The following SERHL2 variants were observed in gnomAD, a reference collection of about 807,000 sequenced individuals.
SERHL2 encodes serine hydrolase like 2.
A neutral mutation model predicts 25.5 loss-of-function variants in SERHL2; 29 were observed. The ratio of observed to expected loss-of-function variants is 1.14; its 90% CI spans 0.85 to 1.55. SERHL2 has a LOEUF of 1.55. Ranked by LOEUF, SERHL2 falls within the 40% of genes most tolerant of loss-of-function variation. The probability of loss-of-function intolerance (pLI) is 0.00; values close to 1 mark genes in which losing one functional copy is unlikely to be tolerated. For missense variants in SERHL2, 240 were observed against 252.3 expected (o/e 0.95, Z 0.33); for synonymous variants, 95 against 103.5 (o/e 0.92, Z 0.50).
intron 9 of SERHL2, among the ~76,000 whole-genome samples, chr22:42,570,398 C>A (rs146428927): frequency 0.011 from 1,639 of 152,078 alleles, 28 homozygotes; most frequent in African/African-American, 0.038. Flanking sequence ...AGCCCGGGCA[C>A]CAAGAGCAAA....
chr22:42,556,660 C>G, intron 6 of SERHL2, 72 bp downstream of exon 6: 1 of 1,284,752 alleles, frequency 7.8e-7, no homozygotes, highest in Non-Finnish European at 1.1e-6. Context: ...CCAGCCCTGT[C>G]TCCTTTGGTG....
rs553836400 is a variant in SERHL2 at position 42,572,383 on chromosome 22, T to C, written c.732-53T>C. 4.0e-5 allele frequency: 55 copies of C among 1,368,230 alleles called. 1 individual carries two copies. In the African/African-American group the frequency reaches 7.1e-4, roughly 18 times the overall value. 84.8% of individuals were successfully genotyped at this position (1,368,230 alleles called of 1,614,324 possible). A position where few individuals can be genotyped will look rare whatever the true frequency, so the allele number is the denominator to read the frequency against. On this transcript the variant is annotated intron_variant, in intron 10 of 11. Coordinates refer to ENST00000327678, the MANE Select transcript of SERHL2 (RefSeq NM_014509.5). ...ACCCAGGGCAGGATGGGGGCACCGC[T>C]GGGAGGCGGTTCTAAGATGAACCCC...
At position 42,560,165 on chromosome 22, in the gene SERHL2, C is replaced by T. The variant is rs775097107; in HGVS notation, c.534-21C>T. ...TTTTTATTGGCCTCCAGGCACCCAG[C>T]ATCCTTCTGTCTCCCCCCAGGTTAC... On this transcript the variant is annotated intron_variant, in intron 7 of 11. Coordinates refer to ENST00000327678, the MANE Select transcript of SERHL2 (RefSeq NM_014509.5). The T allele has an allele frequency of 1.1e-5, 18 of 1,593,120 alleles. 2 individuals are homozygous for T. The highest frequency in any genetic ancestry group is 1.7e-5 in the Admixed American group (1 of 59,956).
chr22:42,571,999 CT>C (rs1413071255), intron 10 of SERHL2: 1 of 153,154 alleles, frequency 6.5e-6, no homozygotes, highest in African/African-American at 2.4e-5. Context: ...TTCGCGATTT[CT>C]TTGGGGGCGA....
At chr22:42,564,170 T>C (rs1343551498) in intron 8 of SERHL2, among the ~76,000 whole-genome samples, 1 of 151,638 alleles carries the variant, frequency 6.6e-6, no homozygotes, top group Non-Finnish European at 1.5e-5. Flanking sequence ...TTATTTTGGG[T>C]CTAGCACTAG....
chr22:42,559,967 A>G (rs2044738683), intron 7 of SERHL2, among the ~76,000 whole-genome samples: 1 of 151,746 alleles, frequency 6.6e-6, no homozygotes, highest in South Asian at 2.1e-4. Flanking sequence ...ACATGCCACC[A>G]TGTCCAGCTA....
At chr22:42,559,418 A>C (rs1432614687) in intron 7 of SERHL2, among the ~76,000 whole-genome samples, 1 of 151,092 alleles carries the variant, frequency 6.6e-6, no homozygotes, top group Non-Finnish European at 1.5e-5. Context: ...TTAGAATACA[A>C]GGTCCAGGCA....
rs530514017 is a variant in SERHL2, at chr22:42,566,332, C to T, written c.642C>T (p.Leu214=). ...TGLVLNRDQR[L]AWAENSIDFI... ...TGGTTCTGAACAGAGACCAGAGGCT[C>T]GCCTGGGTGAGTACCACTGCCTCCG... is the stretch of plus-strand genomic sequence containing the variant. The change falls in exon 9 of 12, where the codon CTC becomes CTT. Residue 214 remains leucine, a synonymous_variant. Coordinates refer to ENST00000327678, the MANE Select transcript of SERHL2 (RefSeq NM_014509.5). The T allele has an allele frequency of 1.1e-5, 18 of 1,611,914 alleles. No homozygotes were observed. In the East Asian group the frequency reaches 1.8e-4, roughly 16 times the overall value.
In SERHL2 at chr22:42,554,257, C is replaced by A. The variant is rs576205426; in HGVS notation, c.22+215C>A. Among the ~76,000 whole-genome samples, 14 of 152,248 alleles carry A rather than the reference C, an allele frequency of 9.2e-5. No individual in the cohort carries two copies. The East Asian group carries it at 1.7e-3, about 19-fold the overall frequency. ...ACGTGGCCTCCCAGGGTTCCAGGAG[C>A]CCCTGAGTTAGCCGAGCGTGCGCGT... On this transcript the variant is annotated intron_variant, in intron 1 of 11. Coordinates refer to ENST00000327678, the MANE Select transcript of SERHL2 (RefSeq NM_014509.5).
At chr22:42,572,939 GTTTT>G (rs1169831281) in intron 11 of SERHL2, 3 of 158,040 alleles carry the variant, frequency 1.9e-5, no homozygotes, top group African/African-American at 7.2e-5. Flanking sequence ...CGAAGTGCTG[GTTTT>G]GTAGATGGGA....
At chr22:42,572,987 G>C (rs1924450740) in intron 11 of SERHL2, among the ~76,000 whole-genome samples, 1 of 151,750 alleles carries the variant, frequency 6.6e-6, no homozygotes, top group South Asian at 2.1e-4. Flanking sequence ...ACATTTTACA[G>C]GCTCCCAAAC....
rs1009852127 is a variant in SERHL2 at position 42,560,103 on chromosome 22, T to TC, written c.534-76dup. The TC allele has an allele frequency of 1.2e-4, 122 of 1,003,876 alleles. 1 individual carries two copies. Among genetic ancestry groups the TC allele is most frequent in the South Asian group, 4.4e-4 (34 of 77,896 alleles). 62.2% of individuals were successfully genotyped at this position (1,003,876 alleles called of 1,614,324 possible). Reference sequence around the variant, plus strand: ...CTGGGATTACAGGCATGAGCCACCGTCCCCCCCGGCCCTCCTCTCCTTTTT... The same window carrying TC: ...CTGGGATTACAGGCATGAGCCACCGTCCCCCCCCGGCCCTCCTCTCCTTTTT... On this transcript the variant is annotated intron_variant, in intron 7 of 11. Coordinates refer to ENST00000327678, the MANE Select transcript of SERHL2 (RefSeq NM_014509.5).
At chr22:42,559,925 C>T (rs1218727104) in intron 7 of SERHL2, among the ~76,000 whole-genome samples, 2 of 151,786 alleles carry the variant, frequency 1.3e-5, no homozygotes, top group African/African-American at 2.4e-5. Context: ...GATTCTCATG[C>T]CTCAGCTTCC....
At chr22:42,570,766 G>A (rs1204104172) in intron 9 of SERHL2, among the ~76,000 whole-genome samples, 2 of 152,138 alleles carry the variant, frequency 1.3e-5, no homozygotes, top group African/African-American at 4.8e-5. Context: ...GGAAAGGGGT[G>A]TGGAAGGGCC....
At chr22:42,568,715 A>T (rs1340857883) in intron 9 of SERHL2, among the ~76,000 whole-genome samples, 1 of 152,154 alleles carries the variant, frequency 6.6e-6, no homozygotes, top group African/African-American at 2.4e-5. Flanking sequence ...CTGTAATCCC[A>T]GCACTTTGGG....
intron 10 of SERHL2, 143 bp from the exon 11 acceptor site, chr22:42,572,293 G>A (rs1056010853): frequency 1.7e-6 from 1 of 581,988 alleles, no homozygotes; most frequent in African/African-American, 1.9e-5. Context: ...ATCCAACCCA[G>A]GGTCAAGGGA....
intron 7 of SERHL2, among the ~76,000 whole-genome samples, chr22:42,559,848 G>A (rs1241249245): frequency 6.6e-6 from 1 of 151,906 alleles, no homozygotes; most frequent in Admixed American, 6.6e-5. Flanking sequence ...ATCTCGCTCT[G>A]TTCCCCAGGC....
At chr22:42,572,327 C>T (rs903552315) in intron 10 of SERHL2, 109 bp from the exon 11 acceptor site, 3 of 738,956 alleles carry the variant, frequency 4.1e-6, no homozygotes, top group South Asian at 1.8e-5. Flanking sequence ...GTTGGGGTAG[C>T]CCAGGCTTTG....
chr22:42,562,651 A>G (rs1922831189), intron 8 of SERHL2, among the ~76,000 whole-genome samples: 1 of 151,876 alleles, frequency 6.6e-6, no homozygotes, highest in African/African-American at 2.4e-5. Context: ...ACTTTTGAGC[A>G]AAGCAGTGAA....
Sources: allele counts gnomAD v4.1 joint callset (sites outside exome capture counted in the v4.1 genomes callset), GRCh38; gene constraint gnomAD v4.1.1; transcripts MANE v1.5; gene names NCBI Gene and HGNC (gene_info 2026-07-23, HGNC 2026-07-21).